TEX14: variants seen among roughly 807,000 people sequenced by gnomAD.
TEX14 encodes the protein testis expressed 14, intercellular bridge forming factor.
In TEX14, 168 loss-of-function variants were observed where a neutral mutation model predicts 178.6. The ratio of observed to expected loss-of-function variants is 0.94; its 90% CI spans 0.83 to 1.07. TEX14 has a LOEUF of 1.07. Among genes scored for constraint, TEX14 ranks in the 50% least tolerant of loss-of-function variants. The pLI, the probability that TEX14 is intolerant of heterozygous loss-of-function variation, is 0.00. For synonymous variants in TEX14, 626 were observed against 634.1 expected (o/e 0.99, Z 0.19); for missense variants, 1,730 against 1,753.6 (o/e 0.99, Z 0.24).
intron 5 of TEX14, among the ~76,000 whole-genome samples, 167 bp from the exon 6 acceptor site, chr17:58,617,786 A>G (rs893602804): frequency 1.3e-5 from 2 of 152,212 alleles, no homozygotes; most frequent in Non-Finnish European, 2.9e-5. Context: ...GAGGGCCTCT[A>G]TGATTCTCAC....
At chr17:58,613,937 G>A (rs758929269) in intron 8 of TEX14, among the ~76,000 whole-genome samples, 2 of 152,158 alleles carry the variant, frequency 1.3e-5, no homozygotes, top group Non-Finnish European at 2.9e-5. Flanking sequence ...AAAGTGCTGG[G>A]ATTACAGGCG....
chr17:58,595,712 A>G (rs945050187), intron 14 of TEX14, among the ~76,000 whole-genome samples: 3 of 152,188 alleles, frequency 2.0e-5, no homozygotes, highest in African/African-American at 2.4e-5. Context: ...AGCTGACTGC[A>G]AACAACTGAG....
At position 58,569,331 on chromosome 17, in the gene TEX14, C is replaced by A; in HGVS notation, c.3818-71G>T. 8.4e-7 allele frequency: 1 copy of A among 1,186,278 alleles called. No homozygotes were observed. The allele number at this position is 1,186,278 out of a possible 1,614,324, so 73.5% of individuals were successfully genotyped here. On this transcript the variant is annotated intron_variant, in intron 25 of 31. Coordinates refer to ENST00000349033, the MANE Select transcript of TEX14 (RefSeq NM_031272.5). The surrounding 1 kb of genome is among the most constrained non-coding windows in gnomAD (Gnocchi z 4.1). Reference sequence around the variant, plus strand: ...TGGACCTGAACTGAATTTTTCTCGGCTCTCACATAGACTTGACTGAGGATT... The same window carrying A: ...TGGACCTGAACTGAATTTTTCTCGGATCTCACATAGACTTGACTGAGGATT...
intron 17 of TEX14, among the ~76,000 whole-genome samples, chr17:58,587,053 T>C (rs1157466878): frequency 6.6e-6 from 1 of 152,244 alleles, no homozygotes; most frequent in Non-Finnish European, 1.5e-5. Flanking sequence ...TTGTTTTTAT[T>C]AATCTCTCTT....
At chr17:58,560,092 C>T (rs1393640893) in intron 29 of TEX14, among the ~76,000 whole-genome samples, 4 of 152,140 alleles carry the variant, frequency 2.6e-5, no homozygotes, top group East Asian at 1.9e-4. Context: ...ACCATCCCCC[C>T]GACCCAACTG....
At chr17:58,602,639 G>A (rs746435551) in intron 11 of TEX14, 49 bp from the exon 12 acceptor site, 26 of 1,464,374 alleles carry the variant, frequency 1.8e-5, no homozygotes, top group Non-Finnish European at 2.2e-5. Context: ...ACCAAAGAGT[G>A]GAGTGGGGGG....
Position 58,570,391 on chromosome 17 carries a change from G to T in TEX14, c.3811C>A (p.Pro1271Thr), listed in dbSNP as rs2044493727. 2.7e-6 allele frequency: 4 copies of T among 1,509,166 alleles called. No individual in the cohort carries two copies. In the East Asian group the frequency reaches 1.1e-4, roughly 40 times the overall value. 93.5% of individuals were successfully genotyped at this position (1,509,166 alleles called of 1,614,324 possible). The change falls in exon 25 of 32, where the codon CCT (proline) becomes ACT (threonine). Residue 1271 changes from proline to threonine, a missense_variant. By Grantham distance (38) the Pro-to-Thr change is conservative. Transcript: ENST00000349033. ...GATATTAAACACAGGGTACCTTTAGGCAGGCTCCTTCTCTGGGTGGCATGG... is the reference window on the plus strand; with the variant it reads ...GATATTAAACACAGGGTACCTTTAGTCAGGCTCCTTCTCTGGGTGGCATGG... ...PPHATQRRSLPKVEAFSQHHI... is the reference protein window; with the variant it reads ...PPHATQRRSLTKVEAFSQHHI...
rs201411118 is a variant in TEX14 at position 58,611,315 on chromosome 17, T to C, written c.1030A>G (p.Met344Val). 1.3e-5 allele frequency: 21 copies of C among 1,613,226 alleles called. No homozygotes were observed. The highest frequency in any genetic ancestry group is 3.3e-5 in the Admixed American group (2 of 59,962). The change falls in exon 10 of 32, where the codon ATG becomes GTG. Residue 344 changes from methionine to valine, a missense_variant. Met to Val is a conservative substitution (Grantham distance 21). Transcript: ENST00000349033. ...ERRSQFPVLH[M>V]EVIVHLLLQI... ...AGCAGCAGGTGCACAATCACCTCCATGTGCAGCACTGGGAACTGGGACCGC... is the reference window on the plus strand; with the variant it reads ...AGCAGCAGGTGCACAATCACCTCCACGTGCAGCACTGGGAACTGGGACCGC...
chr17:58,614,297 C>A (rs1366237553), intron 8 of TEX14, among the ~76,000 whole-genome samples: 1 of 152,134 alleles, frequency 6.6e-6, no homozygotes, highest in Non-Finnish European at 1.5e-5. Flanking sequence ...TGAGGCCAGC[C>A]TGGCCAAGAT....
intron 17 of TEX14, 65 bp downstream of exon 17, chr17:58,587,516 C>A: frequency 9.9e-7 from 1 of 1,009,304 alleles, no homozygotes. Context: ...TTAGAAATAT[C>A]AACCACATTA....
At position 58,659,190 on chromosome 17, in the gene TEX14, T is replaced by C. The variant is rs550307519; in HGVS notation, c.-1-7188A>G. The C allele has an allele frequency of 1.5e-4, 31 of 210,752 alleles. No homozygotes were observed. The South Asian group carries it at 1.5e-3, about 10-fold the overall frequency. 13.1% of individuals were successfully genotyped at this position (210,752 alleles called of 1,614,324 possible). A position where few individuals can be genotyped will look rare whatever the true frequency, so the allele number is the denominator to read the frequency against. On this transcript the variant is annotated intron_variant, in intron 1 of 31. Coordinates refer to ENST00000349033, the MANE Select transcript of TEX14 (RefSeq NM_031272.5). ...AGCAGTCCCCCACTACCACAAGTTA[T>C]GCAGCCGAGTTTTCTCATTCGGGGA...
At chr17:58,680,754 C>A (rs756629264) in intron 1 of TEX14, among the ~76,000 whole-genome samples, 3 of 151,794 alleles carry the variant, frequency 2.0e-5, no homozygotes, top group Admixed American at 6.6e-5. Flanking sequence ...CCCACAAAAA[C>A]CAAAAAAACA....
chr17:58,608,184 G>A (rs2045656440), intron 10 of TEX14, among the ~76,000 whole-genome samples: 1 of 152,200 alleles, frequency 6.6e-6, no homozygotes, highest in Non-Finnish European at 1.5e-5. Context: ...TTGGGAGGCT[G>A]AGGCGGGTGG....
At position 58,630,503 on chromosome 17, in the gene TEX14, G is replaced by A. The variant is rs141835848; in HGVS notation, c.188C>T (p.Ala63Val). The A allele has an allele frequency of 3.3e-5, 54 of 1,613,762 alleles. No homozygotes were observed. The highest frequency in any genetic ancestry group is 6.6e-5 in the South Asian group (6 of 91,076). Residue 63 changes from alanine (A) to valine (V), a missense_variant, in exon 3 of 32, where the codon GCG becomes GTG. This residue lies in a region of TEX14 where 789 missense variants were observed against 681.2 expected (regional missense o/e 1.16). Coordinates refer to ENST00000349033, the MANE Select transcript of TEX14 (RefSeq NM_031272.5). ...NSLGQTALFVAALLGLRKFVD... is the reference protein window; with the variant it reads ...NSLGQTALFVVALLGLRKFVD... ...GAATTTCCTAAGGCCCAATAACGCC[G>A]CAACAAAAAGTGCTGTTTGGCCCAA...
At chr17:58,641,424 A>C (rs572913697) in intron 2 of TEX14, among the ~76,000 whole-genome samples, 86 of 151,892 alleles carry the variant, frequency 5.7e-4, no homozygotes, top group East Asian at 9.7e-4. Context: ...CAAAACAAAA[A>C]AAAAGTAGCC....
At chr17:58,603,886 A>AGTGTGTGTGT (rs1267658086) in intron 11 of TEX14, among the ~76,000 whole-genome samples, 2 of 73,364 alleles carry the variant, frequency 2.7e-5, no homozygotes, top group Non-Finnish European at 4.8e-5. Context: ...ATGTGATTTT[A>AGTGTGTGTGT]CTGTGTGTGT....
At chr17:58,613,132 G>A (rs1397463636) in intron 9 of TEX14, among the ~76,000 whole-genome samples, 1 of 151,684 alleles carries the variant, frequency 6.6e-6, no homozygotes, top group Non-Finnish European at 1.5e-5. Flanking sequence ...AATCCAGGAG[G>A]TAGAGGTTGC....
chr17:58,662,461 A>G (rs2047133688), intron 1 of TEX14, among the ~76,000 whole-genome samples: 3 of 151,532 alleles, frequency 2.0e-5, no homozygotes, highest in Admixed American at 2.0e-4. Context: ...ACAGAATCAA[A>G]CCAACTACAT....
At chr17:58,594,025 G>C (rs943487916) in intron 14 of TEX14, among the ~76,000 whole-genome samples, 7 of 152,112 alleles carry the variant, frequency 4.6e-5, no homozygotes, top group Non-Finnish European at 8.8e-5. Flanking sequence ...AGTAGAGACA[G>C]GGTTTCACCA....
Sources: gnomAD v4.1 joint callset for allele counts (sites outside exome capture counted in the v4.1 genomes callset) on GRCh38, gnomAD v4.1.1 for gene constraint, gnomAD v4.1.1 regional missense constraint, Gnocchi (gnomAD v3.1) non-coding constraint, MANE v1.5 for transcripts, NCBI Gene and HGNC (gene_info 2026-07-23, HGNC 2026-07-21) for gene names.